ADAMTS2: variants seen among roughly 807,000 people sequenced by gnomAD.
The protein encoded by ADAMTS2 is ADAM metallopeptidase with thrombospondin type 1 motif 2.
In ADAMTS2, 50 loss-of-function variants were observed where a neutral mutation model predicts 123.0. The observed-to-expected ratio is 0.41, with a 90% CI of 0.32 to 0.51. ADAMTS2 has a LOEUF of 0.51. Among genes scored for constraint, ADAMTS2 ranks in the 20% least tolerant of loss-of-function variants. The probability of loss-of-function intolerance (pLI) is 0.35; values close to 1 mark genes in which losing one functional copy is unlikely to be tolerated. For missense variants in ADAMTS2, 1,494 were observed against 1,705.2 expected, an observed-to-expected ratio of 0.88 and a Z score of 2.18; for synonymous variants, 678 against 695.4, an observed-to-expected ratio of 0.98 and a Z score of 0.39.
Position 179,345,289 on chromosome 5 carries a change from G to C in ADAMTS2, c.40C>G (p.Pro14Ala), listed in dbSNP as rs918053466. 8.8e-7 allele frequency: 1 copy of C among 1,142,024 alleles called. No individual in the cohort carries two copies. Among genetic ancestry groups the C allele is most frequent in the Non-Finnish European group, 1.1e-6 (1 of 933,238 alleles). The allele number at this position is 1,142,024 out of a possible 1,614,324, so 70.7% of individuals were successfully genotyped here. Residue 14 changes from proline (P) to alanine (A), a missense_variant, in exon 1 of 22, where the codon CCC becomes GCC. By Grantham distance (27) the Pro-to-Ala change is conservative. Coordinates refer to ENST00000251582, the MANE Select transcript of ADAMTS2 (RefSeq NM_014244.5). The surrounding 1 kb of genome is among the most constrained non-coding windows in gnomAD (Gnocchi z 7.5). ...PAGAARRLLCPALLLLLLLLP... is the reference protein window; with the variant it reads ...PAGAARRLLCAALLLLLLLLP... ...AGCAGCAGCAGCAGCAGCAGCGCGG[G>C]GCAGAGCAGGCGGCGAGCGGCTCCC...
chr5:179,158,784 A>G lies in ADAMTS2; in HGVS notation c.1071T>C (p.Asp357=). The G allele has an allele frequency of 6.2e-7, 1 of 1,614,210 alleles. No individual in the cohort carries two copies. The highest frequency in any genetic ancestry group is 8.5e-7 in the Non-Finnish European group (1 of 1,180,046). ...YLQQKPDTGH[D]EYHDHAIFLT... is the part of the protein sequence containing the mutation. The stretch of plus-strand genomic sequence containing the variant: ...GGAAGATGGCGTGATCGTGGTATTC[A>G]TCGTGGCCCGTGTCTGGCTTCTGCT... Residue 357 remains aspartate, a synonymous_variant, in exon 6 of 22, where the codon GAT becomes GAC. Coordinates refer to ENST00000251582, the MANE Select transcript of ADAMTS2 (RefSeq NM_014244.5). This position sits in a 1 kb window ranked among gnomAD's most constrained non-coding sequence, Gnocchi z 5.0.
At chr5:179,218,200 C>T (rs968120619) in intron 3 of ADAMTS2, among the ~76,000 whole-genome samples, 1 of 152,198 alleles carries the variant, frequency 6.6e-6, no homozygotes, top group Non-Finnish European at 1.5e-5. Flanking sequence ...GGGGCCACCA[C>T]CAGGCTCAGG....
At chr5:179,329,060 G>A (rs754103987) in intron 2 of ADAMTS2, among the ~76,000 whole-genome samples, 33 of 152,298 alleles carry the variant, frequency 2.2e-4, no homozygotes, top group Non-Finnish European at 4.4e-4. Context: ...AGGCACAGTG[G>A]CTCATGCCTG....
At chr5:179,283,430 A>C (rs1184473726) in intron 2 of ADAMTS2, among the ~76,000 whole-genome samples, 3 of 151,968 alleles carry the variant, frequency 2.0e-5, no homozygotes, top group African/African-American at 7.2e-5. Flanking sequence ...TAAAATCAGT[A>C]GATACAAGCT....
intron 11 of ADAMTS2, 25 bp downstream of exon 11, chr5:179,139,865 C>G: frequency 6.2e-7 from 1 of 1,611,240 alleles, no homozygotes; most frequent in Non-Finnish European, 8.5e-7. Context: ...CTCAGCAAGG[C>G]CAGGGGGACA....
chr5:179,189,988 G>A lies in ADAMTS2; in HGVS notation c.892-8833C>T, dbSNP rs560309629. 2.3e-4 allele frequency among the ~76,000 whole-genome samples: 35 copies of A among 152,224 alleles called. No individual in the cohort carries two copies. The highest frequency in any genetic ancestry group is 8.4e-4 in the African/African-American group (35 of 41,530). ...CAAATTCAATTGATTGATCAGCTAG[G>A]GTGGGGCAGGAACAGATCACAATGG... On this transcript the variant is annotated intron_variant, in intron 4 of 21. Transcript: ENST00000251582. This position sits in a 1 kb window ranked among gnomAD's most constrained non-coding sequence, Gnocchi z 4.2.
intron 2 of ADAMTS2, among the ~76,000 whole-genome samples, chr5:179,292,447 T>A (rs163491): frequency 0.8 from 121,943 of 151,776 alleles, 50,257 homozygotes; most frequent in Non-Finnish European, 0.89. Context: ...GGTCTCTGCA[T>A]GCACTGAGCA....
chr5:179,125,309 G>A (rs949091131), intron 18 of ADAMTS2, 129 bp from the exon 19 acceptor site: 13 of 768,856 alleles, frequency 1.7e-5, no homozygotes, highest in East Asian at 5.2e-5. Flanking sequence ...ACCCCTCCCC[G>A]GTGCACCTTC....
chr5:179,283,761 C>A (rs1755907521), intron 2 of ADAMTS2, among the ~76,000 whole-genome samples: 1 of 151,198 alleles, frequency 6.6e-6, no homozygotes, highest in South Asian at 2.1e-4. Context: ...CGTGGTGGTG[C>A]ACACCTGTAA....
chr5:179,329,093 C>G (rs533676024), intron 2 of ADAMTS2, among the ~76,000 whole-genome samples: 1 of 152,080 alleles, frequency 6.6e-6, no homozygotes, highest in African/African-American at 2.4e-5. Context: ...TTTGGGAGGC[C>G]AAGGAGGGCG....
rs891434481 is a variant in ADAMTS2 at position 179,312,684 on chromosome 5, T to C, written c.534+31083A>G. Among the ~76,000 whole-genome samples, 1 of 152,036 alleles carries C rather than the reference T, an allele frequency of 6.6e-6. No homozygotes were observed. The highest frequency in any genetic ancestry group is 1.5e-5 in the Non-Finnish European group (1 of 68,012). On this transcript the variant is annotated intron_variant, in intron 2 of 21. Coordinates refer to ENST00000251582, the MANE Select transcript of ADAMTS2 (RefSeq NM_014244.5). This position sits in a 1 kb window ranked among gnomAD's most constrained non-coding sequence, Gnocchi z 4.2. ...CACGTACAGGCAGAGCAGAGGGAGA[T>C]GGAGGATGTCGGCCCTGAAGCCCAG...
At chr5:179,343,439 G>T (rs1757838134) in intron 2 of ADAMTS2, among the ~76,000 whole-genome samples, 1 of 152,338 alleles carries the variant, frequency 6.6e-6, no homozygotes, top group Admixed American at 6.5e-5. Context: ...CACTCACAAA[G>T]GTACACACAC....
chr5:179,198,321 G>A (rs1370013778), intron 4 of ADAMTS2, among the ~76,000 whole-genome samples: 1 of 152,230 alleles, frequency 6.6e-6, no homozygotes, highest in Non-Finnish European at 1.5e-5. Flanking sequence ...TGGGGGGCCA[G>A]CAAAGCTGGA....
At position 179,207,629 on chromosome 5, in the gene ADAMTS2, T is replaced by C. The variant is rs1764733413; in HGVS notation, c.775A>G (p.Arg259Gly). 6.2e-7 allele frequency: 1 copy of C among 1,613,730 alleles called. No individual in the cohort carries two copies. Among genetic ancestry groups the C allele is most frequent in the South Asian group, 1.1e-5 (1 of 91,090 alleles). The change falls in exon 4 of 22, where the codon AGG becomes GGG. Residue 259 changes from arginine (R) to glycine (G), a missense_variant. By Grantham distance (125) the Arg-to-Gly change is moderately radical. This residue lies in a region of ADAMTS2 where 184 missense variants were observed against 152.1 expected (regional missense o/e 1.21). Transcript: ENST00000251582. ...TTGTAGTCATCGTCCGCAGCATGCC[T>C]GCGTGCCCTCCGCCTCGAGCTGTTG... ...HANSSRRRAR[R>G]HAADDDYNIE...
intron 3 of ADAMTS2, among the ~76,000 whole-genome samples, chr5:179,250,962 T>C (rs1393825583): frequency 6.6e-6 from 1 of 152,222 alleles, no homozygotes; most frequent in Non-Finnish European, 1.5e-5. Flanking sequence ...CCAGAGATCC[T>C]GCTCACTCTA....
At chr5:179,223,513 A>AATGCTCTCACACAC (rs1765188834) in intron 3 of ADAMTS2, among the ~76,000 whole-genome samples, 1 of 57,228 alleles carries the variant, frequency 1.7e-5, no homozygotes, top group South Asian at 5.2e-4. Flanking sequence ...CACTCATACG[A>AATGCTCTCACACAC]ATGCACTCAC....
chr5:179,301,354 C>G (rs1756511721), intron 2 of ADAMTS2, among the ~76,000 whole-genome samples: 1 of 152,218 alleles, frequency 6.6e-6, no homozygotes, highest in Non-Finnish European at 1.5e-5. Context: ...CACAATATTA[C>G]CTACTTTACA....
chr5:179,302,633 A>G (rs962979660), intron 2 of ADAMTS2, among the ~76,000 whole-genome samples: 2 of 151,610 alleles, frequency 1.3e-5, no homozygotes, highest in Non-Finnish European at 2.9e-5. Flanking sequence ...CCTGGGTGCT[A>G]TCTCCCGGGG....
intron 2 of ADAMTS2, among the ~76,000 whole-genome samples, chr5:179,339,967 A>G (rs1288192580): frequency 2.0e-5 from 3 of 152,246 alleles, no homozygotes; most frequent in Admixed American, 1.3e-4. Context: ...CTTAATGTCC[A>G]GCAAGACAGA....
Sources: gnomAD v4.1 joint callset for allele counts (sites outside exome capture counted in the v4.1 genomes callset) on GRCh38, gnomAD v4.1.1 for gene constraint, gnomAD v4.1.1 regional missense constraint, Gnocchi (gnomAD v3.1) non-coding constraint, MANE v1.5 for transcripts, NCBI Gene and HGNC (gene_info 2026-07-23, HGNC 2026-07-21) for gene names.